Variants in KLHL7 observed in about 807,000 individuals in gnomAD.
KLHL7 encodes the protein kelch-like protein 7.
A neutral mutation model predicts 67.4 loss-of-function variants in KLHL7; 44 were observed. The ratio of observed to expected loss-of-function variants is 0.65; its 90% confidence interval spans 0.51 to 0.84. The LOEUF is 0.84. KLHL7 is among the 40% of genes least tolerant of loss of function. The probability of loss-of-function intolerance (pLI) is 0.00; values close to 1 mark genes in which losing one functional copy is unlikely to be tolerated. For missense variants in KLHL7, 362 were observed against 718.1 expected, an observed-to-expected ratio of 0.50 and a Z score of 5.67; for synonymous variants, 252 against 243.3, an observed-to-expected ratio of 1.04 and a Z score of -0.33.
intron 4 of KLHL7, among the ~76,000 whole-genome samples, chr7:23,133,093 C>G (rs1246218825): frequency 1.3e-5 from 2 of 152,088 alleles, no homozygotes; most frequent in African/African-American, 4.8e-5. Flanking sequence ...CAGTTTCATT[C>G]TTTTTGCTTA....
At chr7:23,153,251 C>A (rs1784596164) in intron 7 of KLHL7, among the ~76,000 whole-genome samples, 1 of 152,046 alleles carries the variant, frequency 6.6e-6, no homozygotes, top group Non-Finnish European at 1.5e-5. Context: ...TTCTGCAGCT[C>A]ATTATTGGCT....
At chr7:23,110,005 T>A (rs190880088) in intron 1 of KLHL7, among the ~76,000 whole-genome samples, 2 of 152,356 alleles carry the variant, frequency 1.3e-5, no homozygotes, top group East Asian at 3.9e-4. Context: ...TGAGTATTGA[T>A]GACTGATTAC....
chr7:23,121,092 A>G (rs1783316710), intron 1 of KLHL7, among the ~76,000 whole-genome samples: 1 of 152,122 alleles, frequency 6.6e-6, no homozygotes, highest in Non-Finnish European at 1.5e-5. Context: ...GTAGCATTTA[A>G]CTTTCTGTTC....
At chr7:23,138,365 G>A (rs910334685) in intron 4 of KLHL7, among the ~76,000 whole-genome samples, 5 of 150,076 alleles carry the variant, frequency 3.3e-5, no homozygotes, top group African/African-American at 1.2e-4. Flanking sequence ...GGGAGGCTGA[G>A]GTAGGGAATT....
intron 7 of KLHL7, among the ~76,000 whole-genome samples, chr7:23,153,732 A>T (rs1373170921): frequency 6.6e-6 from 1 of 152,254 alleles, no homozygotes; most frequent in Admixed American, 6.5e-5. Flanking sequence ...CCAGGATCAC[A>T]GGCAGTTGAG....
intron 6 of KLHL7, among the ~76,000 whole-genome samples, chr7:23,150,521 A>C (rs992612843): frequency 6.6e-6 from 1 of 152,170 alleles, no homozygotes; most frequent in African/African-American, 2.4e-5. Flanking sequence ...CCATGCGTAC[A>C]TACTAATCTT....
intron 1 of KLHL7, among the ~76,000 whole-genome samples, chr7:23,110,994 A>G (rs1169686905): frequency 6.6e-6 from 1 of 152,150 alleles, no homozygotes; most frequent in African/African-American, 2.4e-5. Flanking sequence ...CTGGGGTTGC[A>G]ATGATAAGCA....
intron 7 of KLHL7, among the ~76,000 whole-genome samples, chr7:23,160,055 TC>T (rs1381369665): frequency 6.6e-6 from 1 of 152,206 alleles, no homozygotes; most frequent in Admixed American, 6.5e-5. Flanking sequence ...TCTGAACTCT[TC>T]CAGACACCTG....
intron 1 of KLHL7, among the ~76,000 whole-genome samples, chr7:23,110,347 T>G (rs574152706): frequency 1.3e-5 from 2 of 152,218 alleles, no homozygotes; most frequent in South Asian, 4.1e-4. Context: ...CTAAGGCCAG[T>G]ACTTCTACCT....
At chr7:23,139,102 A>AAC (rs1029699366) in intron 4 of KLHL7, among the ~76,000 whole-genome samples, 6 of 151,622 alleles carry the variant, frequency 4.0e-5, no homozygotes, top group African/African-American at 1.5e-4. Context: ...AAAAAAAAAA[A>AAC]AACAAGAATA....
At chr7:23,172,138 C>T in intron 9 of KLHL7, 1 of 456,378 alleles carries the variant, frequency 2.2e-6, no homozygotes, top group Non-Finnish European at 4.4e-6. Context: ...CTGCTGAAAG[C>T]ACAAGCCTGT....
rs192586431 is a variant in KLHL7 at position 23,124,824 on chromosome 7, A to T, written c.317+43A>T. The T allele has an allele frequency of 2.7e-4, 354 of 1,316,488 alleles. 1 individual carries two copies. In the African/African-American group the frequency reaches 4.5e-3, roughly 17 times the overall value. 81.6% of individuals were successfully genotyped at this position (1,316,488 alleles called of 1,614,324 possible). A position where few individuals can be genotyped will look rare whatever the true frequency, so the allele number is the denominator to read the frequency against. The stretch of plus-strand genomic sequence containing the variant: ...TTTATTTTAGAGAAGTAATGTTGGT[A>T]TCTACCATGGCAAAGCATTGTCGTA... On this transcript the variant is annotated intron_variant, in intron 3 of 10. Coordinates refer to ENST00000339077, the MANE Select transcript of KLHL7 (RefSeq NM_001031710.3).
chr7:23,147,094 C>CTTTTTTTTTTTTTTTTTTT (rs397889904), intron 6 of KLHL7, among the ~76,000 whole-genome samples: 2 of 118,580 alleles, frequency 1.7e-5, no homozygotes, highest in African/African-American at 6.2e-5. Context: ...TTAACCTGGA[C>CTTTTTTTTTTTTTTTTTTT]TTTTTTTTTT....
intron 1 of KLHL7, among the ~76,000 whole-genome samples, chr7:23,114,425 G>A (rs3807456): frequency 6.6e-6 from 1 of 152,066 alleles, no homozygotes; most frequent in Non-Finnish European, 1.5e-5. Context: ...CTTATGTCTC[G>A]TTTGGTTATT....
At chr7:23,160,431 A>G (rs1451471323) in intron 7 of KLHL7, among the ~76,000 whole-genome samples, 1 of 152,188 alleles carries the variant, frequency 6.6e-6, no homozygotes, top group Non-Finnish European at 1.5e-5. Flanking sequence ...GTGTGGTTTT[A>G]ATTTGAGAGT....
rs184270958 is a variant in KLHL7 at position 23,105,821 on chromosome 7, C to T, written c.-206C>T. ...GGGGACGCAGCCCAGTTGGTAGCGT[C>T]GCTCCCTGAGCGTTTCTAAGGGGGC... is the stretch of plus-strand genomic sequence containing the variant. On this transcript the variant is annotated 5_prime_UTR_variant, in exon 1 of 11. Coordinates refer to ENST00000339077, the MANE Select transcript of KLHL7 (RefSeq NM_001031710.3). 4.4e-4 allele frequency: 300 copies of T among 687,492 alleles called. 2 individuals are homozygous for T. In the East Asian group the frequency reaches 6.0e-3, roughly 14 times the overall value. 42.6% of individuals were successfully genotyped at this position (687,492 alleles called of 1,614,324 possible).
chr7:23,106,229 C>T (rs1174165570), intron 1 of KLHL7, 83 bp downstream of exon 1: 25 of 1,559,168 alleles, frequency 1.6e-5, no homozygotes, highest in Non-Finnish European at 2.1e-5. Context: ...GAACCCCGCG[C>T]CCTGTGGATC....
intron 7 of KLHL7, among the ~76,000 whole-genome samples, chr7:23,157,971 G>T (rs909699431): frequency 2.0e-5 from 3 of 152,166 alleles, no homozygotes; most frequent in African/African-American, 7.2e-5. Flanking sequence ...AAGTTGTGTT[G>T]TGTCGTGTTT....
At chr7:23,116,671 T>C (rs1356970346) in intron 1 of KLHL7, among the ~76,000 whole-genome samples, 3 of 152,324 alleles carry the variant, frequency 2.0e-5, no homozygotes, top group South Asian at 2.1e-4. Flanking sequence ...AGAGAGCACA[T>C]GTGTTCAGAA....
Sources: allele counts gnomAD v4.1 joint callset (sites outside exome capture counted in the v4.1 genomes callset), GRCh38; gene constraint gnomAD v4.1.1; transcripts MANE v1.5; gene names NCBI Gene and HGNC (gene_info 2026-07-23, HGNC 2026-07-21).